GSE1: variants seen among roughly 807,000 people sequenced by gnomAD.
GSE1 encodes the protein Gse1 coiled-coil protein.
In GSE1, 32 loss-of-function variants were observed where a neutral mutation model predicts 112.6. That is an observed-to-expected ratio of 0.28 (90% confidence interval 0.21 to 0.38). The LOEUF is 0.38. Among genes scored for constraint, GSE1 ranks in the 10% least tolerant of loss-of-function variants. GSE1 has a pLI of 1.00. For missense variants in GSE1, 2,348 were observed against 1,699.2 expected (o/e 1.38, Z -6.71); for synonymous variants, 1,115 against 735.6 (o/e 1.52, Z -8.35).
intron 1 of GSE1, among the ~76,000 whole-genome samples, chr16:85,228,092 C>T (rs760545806): frequency 2.0e-5 from 3 of 152,126 alleles, no homozygotes; most frequent in South Asian, 2.1e-4. Context: ...GACGGGTGAT[C>T]CAGGAGGAGG....
At chr16:85,506,117 TTG>T (rs2051527632) in intron 2 of GSE1, among the ~76,000 whole-genome samples, 3 of 152,106 alleles carry the variant, frequency 2.0e-5, no homozygotes, top group Admixed American at 2.0e-4. Flanking sequence ...ACACCAGCTA[TTG>T]TGTGCAGTTG....
In GSE1 at chr16:85,409,379, T is replaced by C. The variant is rs1225339326; in HGVS notation, c.2464+51736T>C. Reference sequence around the variant, plus strand: ...TCCTCACTGTTACACTCAGGCCCCCTGGATAATCCTCACTGTTACACTCAG... The same window carrying C: ...TCCTCACTGTTACACTCAGGCCCCCCGGATAATCCTCACTGTTACACTCAG... On this transcript the variant is annotated intron_variant, in intron 2 of 2. Transcript: ENST00000637419. Among the ~76,000 whole-genome samples the C allele has an allele frequency of 4.8e-3, 62 of 12,892 alleles. 2 individuals carry two copies. Among genetic ancestry groups the C allele is most frequent in the East Asian group, 0.022 (3 of 134 alleles). The allele number at this position is 12,892 out of a possible 152,430, so 8.5% of individuals were successfully genotyped here.
chr16:85,196,278 A>T (rs2074925203), intron 1 of GSE1, among the ~76,000 whole-genome samples: 1 of 152,118 alleles, frequency 6.6e-6, no homozygotes, highest in South Asian at 2.1e-4. Flanking sequence ...AGTTTAGGTG[A>T]CTAGGGAGAG....
rs547471071 is a variant in GSE1 at position 85,634,195 on chromosome 16, T to C, written c.226+63T>C. ...CGGCTCCCGAGGCCGGGACTCAGCC[T>C]CCCGCCTGCGGCGTGCACGCTCACA... is the stretch of plus-strand genomic sequence containing the variant. On this transcript the variant is annotated intron_variant, in intron 2 of 15. Coordinates refer to ENST00000253458, the MANE Select transcript of GSE1 (RefSeq NM_014615.5). 2.6e-3 allele frequency: 3,020 copies of C among 1,174,906 alleles called. 39 individuals carry two copies. Among genetic ancestry groups the C allele is most frequent in the South Asian group, 2.9e-3 (168 of 57,728 alleles). The allele number at this position is 1,174,906 out of a possible 1,614,324, so 72.8% of individuals were successfully genotyped here. A position where few individuals can be genotyped will look rare whatever the true frequency, so the allele number is the denominator to read the frequency against.
chr16:85,577,329 G>C (rs1405774690), intron 1 of GSE1, among the ~76,000 whole-genome samples: 3 of 152,222 alleles, frequency 2.0e-5, no homozygotes, highest in Non-Finnish European at 2.9e-5. Flanking sequence ...AGGGAAGTGG[G>C]GTGTGCATTC....
upstream of GSE1, chr16:85,554,749 C>A: frequency 2.2e-6 from 1 of 461,914 alleles, no homozygotes; most frequent in Non-Finnish European, 2.8e-6. Context: ...GGAGGGCGAA[C>A]TCCCGGCTCC....
At chr16:85,646,001 A>T (rs2050829389) in intron 2 of GSE1, among the ~76,000 whole-genome samples, 1 of 143,038 alleles carries the variant, frequency 7.0e-6, no homozygotes, top group Non-Finnish European at 1.5e-5. Context: ...CTATGCATGC[A>T]TTCTACCTGC....
intron 2 of GSE1, among the ~76,000 whole-genome samples, chr16:85,509,272 CAA>C (rs1198661802): frequency 2.6e-5 from 4 of 152,194 alleles, no homozygotes; most frequent in Non-Finnish European, 5.9e-5. Flanking sequence ...GCGGCGGTAA[CAA>C]GAGTCCTGGT....
rs151208097 is a variant in GSE1 at position 85,654,912 on chromosome 16, G to C, written c.718G>C (p.Gly240Arg). 2 of 1,610,624 alleles carry C rather than the reference G, an allele frequency of 1.2e-6. No individual in the cohort carries two copies. Among genetic ancestry groups the C allele is most frequent in the Non-Finnish European group, 8.5e-7 (1 of 1,179,358 alleles). ...CCGCATGTCCTCACTGCCTCCCCTC[G>C]GCCTGGACCCGGCCACTGCTGCAGC... ...DLRMSSLPPL[G>R]LDPATAAAYY... is the part of the protein sequence containing the mutation. Residue 240 changes from glycine to arginine, a missense_variant, in exon 5 of 16, where the codon GGC becomes CGC. Transcript: ENST00000253458.
chr16:85,305,347 C>G (rs2045648134), intron 1 of GSE1, among the ~76,000 whole-genome samples: 1 of 152,194 alleles, frequency 6.6e-6, no homozygotes, highest in South Asian at 2.1e-4. Flanking sequence ...TGCAATGGTA[C>G]AATCATGGCT....
At chr16:85,462,909 C>T (rs1195946817) in intron 2 of GSE1, among the ~76,000 whole-genome samples, 1 of 151,024 alleles carries the variant, frequency 6.6e-6, no homozygotes, top group African/African-American at 2.4e-5. Flanking sequence ...AGGGACGCCC[C>T]GGCTGCTCCG....
intron 1 of GSE1, among the ~76,000 whole-genome samples, chr16:85,570,525 G>T (rs2045940592): frequency 6.6e-6 from 1 of 152,224 alleles, no homozygotes; most frequent in African/African-American, 2.4e-5. Context: ...AACTCCACCT[G>T]CCTGGCTTTT....
intron 1 of GSE1, among the ~76,000 whole-genome samples, chr16:85,331,705 ATATTTTTTTT>A (rs1176873537): frequency 4.0e-4 from 21 of 52,838 alleles, no homozygotes; most frequent in Admixed American, 3.1e-3. Context: ...ATATATATAT[ATATTTTTTTT>A]TTTTTTTTTT....
intron 2 of GSE1, among the ~76,000 whole-genome samples, chr16:85,643,425 T>G (rs2050605928): frequency 6.6e-6 from 1 of 152,194 alleles, no homozygotes; most frequent in Non-Finnish European, 1.5e-5. Context: ...ATTAGGCCGC[T>G]GAGTGTCAAT....
chr16:85,185,276 T>A (rs1236801079), intron 1 of GSE1: 3 of 152,318 alleles, frequency 2.0e-5, no homozygotes, highest in African/African-American at 7.2e-5. Context: ...AGGTGTCAGC[T>A]CCAGGGGCAG....
chr16:85,477,813 G>T (rs1391906680), intron 2 of GSE1, among the ~76,000 whole-genome samples: 1 of 152,058 alleles, frequency 6.6e-6, no homozygotes, highest in Non-Finnish European at 1.5e-5. Context: ...GCCCGCCTCG[G>T]CCTCCCAAAG....
intron 1 of GSE1, among the ~76,000 whole-genome samples, chr16:85,233,916 G>C (rs1236577975): frequency 2.0e-5 from 3 of 152,078 alleles, no homozygotes; most frequent in East Asian, 3.9e-4. Context: ...CCTGCCCCCT[G>C]TCCACACATG....
intron 3 of GSE1, 36 bp from the exon 4 acceptor site, chr16:85,654,231 TGGCCTATACCA>T: frequency 6.5e-7 from 1 of 1,539,276 alleles, no homozygotes; most frequent in Non-Finnish European, 8.8e-7. Context: ...CTGTGGTCAG[TGGCCTATACCA>T]GGCTCCTGCC....
chr16:85,615,772 T>G (rs2151583823), intron 1 of GSE1, among the ~76,000 whole-genome samples: 1 of 152,288 alleles, frequency 6.6e-6, no homozygotes, highest in East Asian at 1.9e-4. Flanking sequence ...ACTCGGTGTT[T>G]TAAAACTGCT....
Sources: gnomAD v4.1 joint callset for allele counts (sites outside exome capture counted in the v4.1 genomes callset) on GRCh38, gnomAD v4.1.1 for gene constraint, MANE v1.5 for transcripts, NCBI Gene and HGNC (gene_info 2026-07-23, HGNC 2026-07-21) for gene names.